Variants in MEOX2 observed in about 807,000 individuals in gnomAD.
The protein encoded by MEOX2 is mesenchyme homeobox 2, also known as homeobox protein MOX-2.
In MEOX2, 11 loss-of-function variants were observed where a neutral mutation model predicts 27.0. That is an observed-to-expected ratio of 0.41 (90% CI 0.26 to 0.68). The LOEUF (loss-of-function observed/expected upper bound fraction) is 0.68, where lower values mean the gene tolerates loss of function less well. MEOX2 is among the 30% of genes least tolerant of loss of function. The pLI is 0.33. For synonymous variants in MEOX2, 189 were observed against 155.4 expected, an observed-to-expected ratio of 1.22 and a Z score of -1.61; for missense variants, 436 against 385.4, an observed-to-expected ratio of 1.13 and a Z score of -1.10.
In MEOX2 at chr7:15,661,787, G is replaced by A. The variant is rs570276367; in HGVS notation, c.517+24099C>T. On this transcript the variant is annotated intron_variant, in intron 1 of 2. Coordinates refer to ENST00000262041, the MANE Select transcript of MEOX2 (RefSeq NM_005924.5). ...CGAACGTTCAAAACCTAAGCCTGTG[G>A]TTTTGACATTATTAGTACCACTCTA... Among the ~76,000 whole-genome samples, 15 of 152,228 alleles carry A rather than the reference G, an allele frequency of 9.9e-5. 1 individual carries two copies. Among genetic ancestry groups the A allele is most frequent in the Admixed American group, 7.8e-4 (12 of 15,288 alleles).
At chr7:15,665,443 C>G (rs1470988477) in intron 1 of MEOX2, among the ~76,000 whole-genome samples, 1 of 152,100 alleles carries the variant, frequency 6.6e-6, no homozygotes, top group African/African-American at 2.4e-5. Context: ...ACTCCAGATC[C>G]TGAAGTAGTT....
intron 1 of MEOX2, among the ~76,000 whole-genome samples, chr7:15,630,923 A>G (rs752386740): frequency 9.2e-5 from 14 of 151,908 alleles, no homozygotes; most frequent in African/African-American, 3.1e-4. Flanking sequence ...AAAGTAAACA[A>G]CCTTCTCCAG....
chr7:15,672,658 C>G (rs747438794), intron 1 of MEOX2, among the ~76,000 whole-genome samples: 1 of 151,846 alleles, frequency 6.6e-6, no homozygotes, highest in African/African-American at 2.4e-5. Flanking sequence ...TTTGGGAGGC[C>G]AAGGTGGGCG....
At chr7:15,659,607 A>C (rs2115382564) in intron 1 of MEOX2, among the ~76,000 whole-genome samples, 1 of 152,100 alleles carries the variant, frequency 6.6e-6, no homozygotes, top group Middle Eastern at 3.4e-3. Context: ...ACGAATACAA[A>C]AAATTAGCTG....
intron 1 of MEOX2, among the ~76,000 whole-genome samples, chr7:15,678,492 G>A (rs1782238275): frequency 1.3e-5 from 2 of 152,206 alleles, no homozygotes; most frequent in African/African-American, 4.8e-5. Context: ...TGCAAAATTT[G>A]CTTTGCATTC....
chr7:15,627,029 GAACA>G, intron 1 of MEOX2, 111 bp from the exon 2 acceptor site: 1 of 1,008,228 alleles, frequency 9.9e-7, no homozygotes, highest in Non-Finnish European at 1.5e-6. Flanking sequence ...GCTAGACATG[GAACA>G]AATAGAGACC....
At chr7:15,675,745 C>G (rs1228427247) in intron 1 of MEOX2, among the ~76,000 whole-genome samples, 1 of 152,188 alleles carries the variant, frequency 6.6e-6, no homozygotes, top group Non-Finnish European at 1.5e-5. Context: ...AATCAAGCCT[C>G]CTCTAAAATC....
chr7:15,658,822 C>T (rs187231392), intron 1 of MEOX2, among the ~76,000 whole-genome samples: 166 of 152,304 alleles, frequency 1.1e-3, no homozygotes, highest in African/African-American at 3.8e-3. Context: ...ATCTGCCACC[C>T]TGAACTTAGT....
intron 1 of MEOX2, among the ~76,000 whole-genome samples, chr7:15,630,503 A>C (rs768694289): frequency 1.3e-5 from 2 of 152,054 alleles, no homozygotes; most frequent in Non-Finnish European, 2.9e-5. Flanking sequence ...AGCTCGTTTA[A>C]ATGAAGAACA....
chr7:15,669,201 ACTT>A (rs1782058290), intron 1 of MEOX2, among the ~76,000 whole-genome samples: 2 of 152,174 alleles, frequency 1.3e-5, no homozygotes, highest in African/African-American at 4.8e-5. Flanking sequence ...TTTTCTCTAC[ACTT>A]CTTCTATACC....
At chr7:15,667,488 C>T (rs928795328) in intron 1 of MEOX2, among the ~76,000 whole-genome samples, 3 of 151,868 alleles carry the variant, frequency 2.0e-5, no homozygotes, top group East Asian at 1.9e-4. Flanking sequence ...CTTCCAGAAA[C>T]CTCAAGGTGT....
intron 1 of MEOX2, among the ~76,000 whole-genome samples, chr7:15,670,742 T>C (rs1313765832): frequency 6.6e-6 from 1 of 152,170 alleles, no homozygotes; most frequent in Non-Finnish European, 1.5e-5. Flanking sequence ...TATGTACAAA[T>C]GGTCATTTCT....
At chr7:15,652,395 T>C (rs1781745710) in intron 1 of MEOX2, among the ~76,000 whole-genome samples, 1 of 152,056 alleles carries the variant, frequency 6.6e-6, no homozygotes, top group Admixed American at 6.6e-5. Flanking sequence ...ACAATATCTT[T>C]TGTAAACACC....
Position 15,626,887 on chromosome 7 carries a change from G to T in MEOX2, c.549C>A (p.Val183=), listed in dbSNP as rs1410520026. The T allele has an allele frequency of 6.2e-7, 1 of 1,611,510 alleles. No homozygotes were observed. The highest frequency in any genetic ancestry group is 8.5e-7 in the Non-Finnish European group (1 of 1,179,152). Reference sequence around the variant, plus strand: ...TCCTTTCTTTCCTGGGTTTGCTGTTGACTTCTGACTTGTAATTTCCTTCCT... The same window carrying T: ...TCCTTTCTTTCCTGGGTTTGCTGTTTACTTCTGACTTGTAATTTCCTTCCT... ...DSQEGNYKSE[V]NSKPRKERTA... is the part of the protein sequence containing the mutation. Residue 183 remains valine, a synonymous_variant, in exon 2 of 3, where the codon GTC becomes GTA. Transcript: ENST00000262041.
At chr7:15,685,742 C>G (rs1380713339) in intron 1 of MEOX2, 144 bp downstream of exon 1, 2 of 1,170,794 alleles carry the variant, frequency 1.7e-6, no homozygotes, top group Non-Finnish European at 2.4e-6. Flanking sequence ...GCTTCACCGC[C>G]GAATTTGGCC....
intron 2 of MEOX2, among the ~76,000 whole-genome samples, chr7:15,625,735 G>A (rs1222031133): frequency 1.3e-5 from 2 of 152,138 alleles, no homozygotes; most frequent in Non-Finnish European, 2.9e-5. Flanking sequence ...GTAAAGATTA[G>A]CAACTGTTAA....
chr7:15,616,409 C>G (rs1781124086), intron 2 of MEOX2, among the ~76,000 whole-genome samples: 2 of 151,554 alleles, frequency 1.3e-5, no homozygotes. Flanking sequence ...TTTGGAAAAA[C>G]ACACATTTTT....
intron 1 of MEOX2, among the ~76,000 whole-genome samples, chr7:15,639,598 T>C (rs979070482): frequency 2.6e-5 from 4 of 152,030 alleles, no homozygotes; most frequent in African/African-American, 7.2e-5. Flanking sequence ...TAGTTTTGGG[T>C]CTTATGTTTA....
At chr7:15,658,034 T>C (rs1415158070) in intron 1 of MEOX2, among the ~76,000 whole-genome samples, 1 of 152,216 alleles carries the variant, frequency 6.6e-6, no homozygotes, top group Non-Finnish European at 1.5e-5. Flanking sequence ...CCTCTGATAA[T>C]GCCACCTTAG....
Sources: allele counts gnomAD v4.1 joint callset (sites outside exome capture counted in the v4.1 genomes callset), GRCh38; gene constraint gnomAD v4.1.1; transcripts MANE v1.5; gene names NCBI Gene and HGNC (gene_info 2026-07-23, HGNC 2026-07-21).